Variants in RIC8B observed in about 807,000 individuals in gnomAD.
The protein encoded by RIC8B is chaperone Ric-8B.
In RIC8B, 16 loss-of-function variants were observed where a neutral mutation model predicts 57.5. The ratio of observed to expected loss-of-function variants is 0.28; its 90% CI spans 0.19 to 0.42. The LOEUF (loss-of-function observed/expected upper bound fraction) is 0.42. RIC8B is among the 10% of genes least tolerant of loss of function. RIC8B has a pLI of 1.00. For missense variants in RIC8B, 481 were observed against 677.0 expected (o/e 0.71, Z 3.21); for synonymous variants, 216 against 250.8 (o/e 0.86, Z 1.31).
intron 3 of RIC8B, chr12:106,822,221 ACAAC>A: frequency 6.6e-6 from 1 of 152,188 alleles, no homozygotes. Flanking sequence ...CATGCATACT[ACAAC>A]CAAGAAATCA....
intron 9 of RIC8B, among the ~76,000 whole-genome samples, chr12:106,883,360 T>C (rs1390069034): frequency 6.6e-6 from 1 of 152,168 alleles, no homozygotes; most frequent in Non-Finnish European, 1.5e-5. Flanking sequence ...AAAATATAGG[T>C]ATGTAATTTA....
At chr12:106,833,168 A>C (rs1019878563) in intron 4 of RIC8B, among the ~76,000 whole-genome samples, 1 of 152,204 alleles carries the variant, frequency 6.6e-6, no homozygotes, top group East Asian at 1.9e-4. Flanking sequence ...ACCCTCAAGT[A>C]TATTTATTTA....
Position 106,792,274 on chromosome 12 carries a change from C to T in RIC8B, c.132+8230C>T, listed in dbSNP as rs371752502. ...ACAATTTAAACTTCATTCCAAATTCCACTTTTAGTTTTAGATGTTTTCCAT... is the reference window on the plus strand; with the variant it reads ...ACAATTTAAACTTCATTCCAAATTCTACTTTTAGTTTTAGATGTTTTCCAT... On this transcript the variant is annotated intron_variant, in intron 2 of 9. Transcript: ENST00000392837. Among the ~76,000 whole-genome samples, 26 of 152,276 alleles carry T rather than the reference C, an allele frequency of 1.7e-4. No homozygotes were observed. The South Asian group carries it at 5.2e-3, about 30-fold the overall frequency.
At chr12:106,844,597 T>A (rs189023627) in intron 6 of RIC8B, among the ~76,000 whole-genome samples, 8 of 152,250 alleles carry the variant, frequency 5.3e-5, no homozygotes, top group African/African-American at 1.9e-4. Flanking sequence ...TTGGAGTGTT[T>A]TAAGAGGGGA....
In RIC8B at chr12:106,851,433, T is replaced by C; in HGVS notation, c.1162-17T>C. 6.2e-7 allele frequency: 1 copy of C among 1,613,132 alleles called. No homozygotes were observed. Among genetic ancestry groups the C allele is most frequent in the Non-Finnish European group, 8.5e-7 (1 of 1,179,476 alleles). On this transcript the variant is annotated splice_polypyrimidine_tract_variant and intron_variant, in intron 6 of 9. Coordinates refer to ENST00000392837, the MANE Select transcript of RIC8B (RefSeq NM_001330145.2). ...AGTAGCCTCGATTGATGATGGTTTT[T>C]GCATTTGTGCCATCAGGTTTTACCA...
At position 106,867,563 on chromosome 12, in the gene RIC8B, G is replaced by C. The variant is rs1950190864; in HGVS notation, c.1452-3260G>C. Among the ~76,000 whole-genome samples the C allele has an allele frequency of 1.3e-5, 2 of 152,180 alleles. No homozygotes were observed. The highest frequency in any genetic ancestry group is 1.3e-4 in the Admixed American group (2 of 15,274). On this transcript the variant is annotated intron_variant, in intron 8 of 9. Transcript: ENST00000392837. This position sits in a 1 kb window ranked among gnomAD's most constrained non-coding sequence, Gnocchi z 4.3. ...TGGCGTCTCAGACTGTACTATTTGA[G>C]GTTGAAAGGTGTCAGGTATTTGTTC... is the stretch of plus-strand genomic sequence containing the variant.
intron 1 of RIC8B, among the ~76,000 whole-genome samples, chr12:106,776,776 T>C (rs957295975): frequency 6.6e-6 from 1 of 152,166 alleles, no homozygotes; most frequent in East Asian, 1.9e-4. Context: ...ATCTGAAGTG[T>C]TTCAAAAGAT....
chr12:106,876,358 T>C (rs893558811), intron 9 of RIC8B, among the ~76,000 whole-genome samples: 3 of 152,180 alleles, frequency 2.0e-5, no homozygotes, highest in African/African-American at 4.8e-5. Context: ...AATATTAAAA[T>C]TAATTTTACC....
At chr12:106,837,308 G>T (rs985117749) in intron 4 of RIC8B, among the ~76,000 whole-genome samples, 1 of 152,008 alleles carries the variant, frequency 6.6e-6, no homozygotes, top group Admixed American at 6.6e-5. Flanking sequence ...GTTGCAGCGA[G>T]CCAAGATGGC....
intron 9 of RIC8B, among the ~76,000 whole-genome samples, chr12:106,885,203 T>C (rs1282391118): frequency 6.6e-6 from 1 of 152,182 alleles, no homozygotes; most frequent in Non-Finnish European, 1.5e-5. Flanking sequence ...GGAGTAGATA[T>C]AATTGGATTA....
chr12:106,809,592 A>G (rs1445985614), intron 2 of RIC8B, among the ~76,000 whole-genome samples: 1 of 152,020 alleles, frequency 6.6e-6, no homozygotes, highest in Non-Finnish European at 1.5e-5. Context: ...ATTGAGAAAC[A>G]TAAAAGTTTT....
At chr12:106,857,441 C>T (rs1023580818) in intron 7 of RIC8B, among the ~76,000 whole-genome samples, 1 of 152,098 alleles carries the variant, frequency 6.6e-6, no homozygotes, top group Non-Finnish European at 1.5e-5. Flanking sequence ...ATGTTATTAC[C>T]AGTGCAGTTC....
Position 106,860,349 on chromosome 12 carries a change from G to A in RIC8B, c.1388G>A (p.Gly463Glu). 6.2e-7 allele frequency: 1 copy of A among 1,607,956 alleles called. No homozygotes were observed. Among genetic ancestry groups the A allele is most frequent in the Non-Finnish European group, 8.5e-7 (1 of 1,176,916 alleles). ...AGGGGCCTCTTGGCTGGAGGAAGAG[G>A]AGATAATTGGTACTCAGAGGATGAG... ...AARGLLAGGR[G>E]DNWYSEDEDT... The change falls in exon 8 of 10, where the codon GGA (glycine) becomes GAA (glutamate). Residue 463 changes from glycine (G) to glutamate (E), a missense_variant. Physicochemically the swap from Gly to Glu is moderately conservative, Grantham distance 98. Transcript: ENST00000392837.
At chr12:106,870,353 G>A (rs542739902) in intron 8 of RIC8B, among the ~76,000 whole-genome samples, 29 of 152,222 alleles carry the variant, frequency 1.9e-4, no homozygotes, top group Middle Eastern at 3.4e-3. Flanking sequence ...AATTTCCTGA[G>A]ATTATAAATT....
At chr12:106,784,727 A>G (rs1375499514) in intron 2 of RIC8B, among the ~76,000 whole-genome samples, 2 of 152,184 alleles carry the variant, frequency 1.3e-5, no homozygotes, top group Non-Finnish European at 2.9e-5. Context: ...AGAACCAAAC[A>G]AGAGAGTATG....
intron 4 of RIC8B, among the ~76,000 whole-genome samples, chr12:106,831,860 C>A (rs573689567): frequency 2.8e-4 from 42 of 152,210 alleles, no homozygotes; most frequent in Non-Finnish European, 4.3e-4. Flanking sequence ...GCCCCGAGAG[C>A]ATCCGTCTTT....
At chr12:106,794,407 A>G (rs1593112797) in intron 2 of RIC8B, among the ~76,000 whole-genome samples, 1 of 152,234 alleles carries the variant, frequency 6.6e-6, no homozygotes. Context: ...TGAAGAAATA[A>G]TGGTTTAAAC....
intron 9 of RIC8B, among the ~76,000 whole-genome samples, chr12:106,871,847 A>G (rs1290557654): frequency 6.6e-6 from 1 of 152,200 alleles, no homozygotes; most frequent in East Asian, 1.9e-4. Flanking sequence ...AGAGCCAACC[A>G]TGAAAGGGAA....
chr12:106,852,009 G>A (rs920609035), intron 7 of RIC8B, among the ~76,000 whole-genome samples: 3 of 152,150 alleles, frequency 2.0e-5, no homozygotes, highest in East Asian at 1.9e-4. Flanking sequence ...TCTTTACTAC[G>A]TTTTCCAATC....
Sources: allele counts gnomAD v4.1 joint callset (sites outside exome capture counted in the v4.1 genomes callset), GRCh38; gene constraint gnomAD v4.1.1; non-coding constraint Gnocchi (gnomAD v3.1); transcripts MANE v1.5; gene names NCBI Gene and HGNC (gene_info 2026-07-23, HGNC 2026-07-21).